The following RAB26 variants were observed in gnomAD, a reference collection of about 807,000 sequenced individuals.
The protein encoded by RAB26 is ras-related protein Rab-26.
RAB26 carries 39 observed loss-of-function variants against 33.1 expected under a neutral mutation model. The ratio of observed to expected loss-of-function variants is 1.18; its 90% CI spans 0.91 to 1.54. The LOEUF (loss-of-function observed/expected upper bound fraction) is 1.54. Among genes scored for constraint, RAB26 ranks in the 40% most tolerant of loss-of-function variants. The pLI, the probability that RAB26 is intolerant of heterozygous loss-of-function variation, is 0.00. For missense variants in RAB26, 468 were observed against 362.9 expected, an observed-to-expected ratio of 1.29 and a Z score of -2.35; for synonymous variants, 192 against 151.9, an observed-to-expected ratio of 1.26 and a Z score of -1.94.
rs2092994495 is a variant in RAB26 at position 2,148,758 on chromosome 16, G to A, written c.-26G>A. On this transcript the variant is annotated 5_prime_UTR_variant, in exon 1 of 9. Coordinates refer to ENST00000210187, the MANE Select transcript of RAB26 (RefSeq NM_014353.5). ...CGGCCCAGGGCACGGCGGCTGCAGC[G>A]GGAGCACACTGAGCGCCCGCCCGCC... 1.6e-6 allele frequency: 2 copies of A among 1,282,992 alleles called. No homozygotes were observed. Among genetic ancestry groups the A allele is most frequent in the South Asian group, 2.7e-5 (1 of 36,796 alleles). The allele number at this position is 1,282,992 out of a possible 1,614,324, so 79.5% of individuals were successfully genotyped here.
chr16:2,153,229 C>T lies in RAB26; in HGVS notation c.668+7C>T, dbSNP rs368805303. 1 of 1,613,800 alleles carries T rather than the reference C, an allele frequency of 6.2e-7. No homozygotes were observed. The highest frequency in any genetic ancestry group is 8.5e-7 in the Non-Finnish European group (1 of 1,179,994). ...CCTTCACAGCCATAGCAAAGTAAGTCCTGCCAGTCACCAGGACTCCCCCAG... is the reference window on the plus strand; with the variant it reads ...CCTTCACAGCCATAGCAAAGTAAGTTCTGCCAGTCACCAGGACTCCCCCAG... On this transcript the variant is annotated splice_region_variant and intron_variant, in intron 8 of 8. Coordinates refer to ENST00000210187, the MANE Select transcript of RAB26 (RefSeq NM_014353.5).
intron 5 of RAB26, among the ~76,000 whole-genome samples, chr16:2,152,453 CGAGGTCAG>C (rs1295674497): frequency 8.6e-5 from 13 of 151,658 alleles, no homozygotes; most frequent in African/African-American, 2.9e-4. Context: ...GGGCGGATCA[CGAGGTCAG>C]GAGTTGGAGA....
In RAB26 at chr16:2,148,649, T is replaced by TCCGCC. The variant is rs1555463725; in HGVS notation, c.-135_-134insCCGCC. 1 of 385,312 alleles carries TCCGCC rather than the reference T, an allele frequency of 2.6e-6. No homozygotes were observed. Among genetic ancestry groups the TCCGCC allele is most frequent in the East Asian group, 1.4e-4 (1 of 7,316 alleles). The allele number at this position is 385,312 out of a possible 1,614,324, so 23.9% of individuals were successfully genotyped here. A position where few individuals can be genotyped will look rare whatever the true frequency, so the allele number is the denominator to read the frequency against. On this transcript the variant is annotated 5_prime_UTR_variant, in exon 1 of 9. An upstream start codon of the reference 5' UTR is lost. Transcript: ENST00000210187. ...GGCGCGAGCCGGGCGCCCGGGATGA[T>TCCGCC]GCCGCCGCCGCCGCCGCCGCCGCCG...
In RAB26 at chr16:2,151,754, T is replaced by G; in HGVS notation, c.408T>G (p.Asp136Glu). Residue 136 changes from aspartate (D) to glutamate (E), a missense_variant, in exon 4 of 9, where the codon GAT (aspartate) becomes GAG (glutamate). Transcript: ENST00000210187. The part of the protein sequence containing the change: ...FRSVTHAYYR[D>E]AHALLLLYDV... ...GTGTTACCCATGCCTACTACCGGGA[T>G]GCTCATGGTGAGCCCCTGGGTACCT... is the stretch of plus-strand genomic sequence containing the variant. The G allele has an allele frequency of 1.2e-6, 2 of 1,614,004 alleles. No homozygotes were observed. The highest frequency in any genetic ancestry group is 1.7e-6 in the Non-Finnish European group (2 of 1,180,026).
chr16:2,150,812 GC>G (rs929054994), intron 2 of RAB26, among the ~76,000 whole-genome samples: 9 of 152,208 alleles, frequency 5.9e-5, no homozygotes, highest in Non-Finnish European at 1.0e-4. Flanking sequence ...GTCCTCCCCA[GC>G]CCAGCAGATG....
chr16:2,151,591 G>A lies in RAB26; in HGVS notation c.329G>A (p.Gly110Asp). ...DFRNKVLDVD[G>D]VKVKLQMWDT... ...CAGAACAAAGTTCTGGACGTGGATGGTGTGAAGGTGAAGCTGCAGGTAAGG... is the reference window on the plus strand; with the variant it reads ...CAGAACAAAGTTCTGGACGTGGATGATGTGAAGGTGAAGCTGCAGGTAAGG... The change falls in exon 3 of 9, where the codon GGT (glycine) becomes GAT (aspartate). Residue 110 changes from glycine to aspartate, a missense_variant. Gly to Asp is a moderately conservative substitution (Grantham distance 94). Transcript: ENST00000210187. The A allele has an allele frequency of 2.5e-6, 4 of 1,614,020 alleles. No individual in the cohort carries two copies. Among genetic ancestry groups the A allele is most frequent in the Non-Finnish European group, 3.4e-6 (4 of 1,180,042 alleles).
intron 2 of RAB26, among the ~76,000 whole-genome samples, chr16:2,150,612 G>T (rs1052828397): frequency 5.5e-5 from 2 of 36,262 alleles, no homozygotes; most frequent in Admixed American, 4.0e-4. Flanking sequence ...AGGAAAAGGG[G>T]CTCCCTCCAG....
In RAB26 at chr16:2,153,980, T is replaced by A. The variant is rs1173527442; in HGVS notation, c.*559T>A. On this transcript the variant is annotated 3_prime_UTR_variant, in exon 9 of 9. Coordinates refer to ENST00000210187, the MANE Select transcript of RAB26 (RefSeq NM_014353.5). ...ATGCCTGTGGCCTTGTGATAAAATG[T>A]GGGAAATCACAGAAAACACCAGAAA... is the stretch of plus-strand genomic sequence containing the variant. 19 of 366,646 alleles carry A rather than the reference T, an allele frequency of 5.2e-5. No individual in the cohort carries two copies. The highest frequency in any genetic ancestry group is 3.6e-4 in the South Asian group (18 of 50,246). The allele number at this position is 366,646 out of a possible 1,614,324, so 22.7% of individuals were successfully genotyped here.
chr16:2,153,298 C>T (rs2093012911), intron 8 of RAB26, 21 bp from the exon 9 acceptor site: 1 of 1,613,394 alleles, frequency 6.2e-7, no homozygotes, highest in Non-Finnish European at 8.5e-7. Context: ...ATCGTGTCCC[C>T]TTGTCACCCC....
chr16:2,152,906 C>T (rs755331081), intron 6 of RAB26, 21 bp downstream of exon 6: 2 of 1,599,314 alleles, frequency 1.3e-6, no homozygotes, highest in Non-Finnish European at 1.7e-6. Context: ...CGGCTGTCCT[C>T]ACCTGGGCCA....
rs2092994832 is a variant in RAB26 at position 2,148,822 on chromosome 16, C to A, written c.39C>A (p.Ser13Arg). The A allele has an allele frequency of 2.1e-6, 3 of 1,415,170 alleles. No homozygotes were observed. The highest frequency in any genetic ancestry group is 3.0e-5 in the East Asian group (1 of 33,638). The allele number at this position is 1,415,170 out of a possible 1,614,324, so 87.7% of individuals were successfully genotyped here. A position where few individuals can be genotyped will look rare whatever the true frequency, so the allele number is the denominator to read the frequency against. ...RKKTPKSKGASTPAASTLPTA... is the reference protein window; with the variant it reads ...RKKTPKSKGARTPAASTLPTA... Reference sequence around the variant, plus strand: ...AGACCCCCAAGAGCAAAGGGGCCAGCACCCCCGCTGCCTCCACGCTGCCCA... The same window carrying A: ...AGACCCCCAAGAGCAAAGGGGCCAGAACCCCCGCTGCCTCCACGCTGCCCA... The change falls in exon 1 of 9, where the codon AGC becomes AGA. Residue 13 changes from serine to arginine, a missense_variant. Coordinates refer to ENST00000210187, the MANE Select transcript of RAB26 (RefSeq NM_014353.5).
chr16:2,152,000 A>C, intron 5 of RAB26, 92 bp downstream of exon 5: 1 of 1,525,760 alleles, frequency 6.6e-7, no homozygotes, highest in Non-Finnish European at 9.0e-7. Context: ...GTTCCAAAGG[A>C]CCCCGCTGAG....
chr16:2,152,896 C>G lies in RAB26; in HGVS notation c.534+11C>G. ...CTGCTGGGGAACAAGGTGGGAGGCCCGGCTGTCCTCACCTGGGCCACAGGG... is the reference window on the plus strand; with the variant it reads ...CTGCTGGGGAACAAGGTGGGAGGCCGGGCTGTCCTCACCTGGGCCACAGGG... On this transcript the variant is annotated intron_variant, in intron 6 of 8. Coordinates refer to ENST00000210187, the MANE Select transcript of RAB26 (RefSeq NM_014353.5). 1.2e-6 allele frequency: 2 copies of G among 1,601,564 alleles called. No homozygotes were observed. The highest frequency in any genetic ancestry group is 2.7e-5 in the African/African-American group (2 of 74,600).
rs756246460 is a variant in RAB26, at chr16:2,151,914, T to C, written c.468+6T>C. On this transcript the variant is annotated splice_donor_region_variant and intron_variant, in intron 5 of 8. Coordinates refer to ENST00000210187, the MANE Select transcript of RAB26 (RefSeq NM_014353.5). ...CCTCCTTTGACAACATCCAGGTCAG[T>C]GGCTTTCCTGGTGGGGTGAAAGGGC... 5 of 1,614,084 alleles carry C rather than the reference T, an allele frequency of 3.1e-6. No homozygotes were observed. Among genetic ancestry groups the C allele is most frequent in the Non-Finnish European group, 4.2e-6 (5 of 1,180,016 alleles).
At chr16:2,152,339 C>T (rs186205063) in intron 5 of RAB26, among the ~76,000 whole-genome samples, 31 of 152,258 alleles carry the variant, frequency 2.0e-4, no homozygotes, top group Non-Finnish European at 2.5e-4. Flanking sequence ...GACTGTGCTA[C>T]GGCACTCCAG....
In RAB26 at chr16:2,153,791, T is replaced by A; in HGVS notation, c.*370T>A. The A allele has an allele frequency of 2.1e-6, 1 of 475,332 alleles. No individual in the cohort carries two copies. The highest frequency in any genetic ancestry group is 4.2e-6 in the Non-Finnish European group (1 of 239,938). 29.4% of individuals were successfully genotyped at this position (475,332 alleles called of 1,614,324 possible). A position where few individuals can be genotyped will look rare whatever the true frequency, so the allele number is the denominator to read the frequency against. On this transcript the variant is annotated 3_prime_UTR_variant, in exon 9 of 9. Transcript: ENST00000210187. ...GAAAAGCCATGTCTTCAGCCGCACA[T>A]GCTCAGGCAGCTAAGGGAGGACGCC...
Position 2,154,154 on chromosome 16 carries a change from C to A in RAB26, c.*733C>A. On this transcript the variant is annotated 3_prime_UTR_variant, in exon 9 of 9. Transcript: ENST00000210187. ...GTGTTTTCTGGAGCGTCTGTCTCAT[C>A]TGTTGAAAAAAATCCACTTCTAGAG... 1 of 276,192 alleles carries A rather than the reference C, an allele frequency of 3.6e-6. No individual in the cohort carries two copies. 17.1% of individuals were successfully genotyped at this position (276,192 alleles called of 1,614,324 possible).
rs1483828381 is a variant in RAB26, at chr16:2,149,347, AG to A, written c.195+370del. 2.2e-5 allele frequency among the ~76,000 whole-genome samples: 3 copies of A among 135,318 alleles called. No individual in the cohort carries two copies. The East Asian group carries it at 6.6e-4, about 30-fold the overall frequency. 88.8% of individuals were successfully genotyped at this position (135,318 alleles called of 152,430 possible). On this transcript the variant is annotated intron_variant, in intron 1 of 8. Transcript: ENST00000210187. Reference sequence around the variant, plus strand: ...TTTTGCTGGGGGGAAGAGGTTTGCCAGATGGATGGGGAACCCTGGGACTCCA... The same window carrying A: ...TTTTGCTGGGGGGAAGAGGTTTGCCAATGGATGGGGAACCCTGGGACTCCA...
chr16:2,151,410 G>A, intron 2 of RAB26, 159 bp from the exon 3 acceptor site: 1 of 882,506 alleles, frequency 1.1e-6, no homozygotes, highest in Non-Finnish European at 1.8e-6. Context: ...GCCTGCACTT[G>A]CAGGTGTGGG....
Sources: allele counts gnomAD v4.1 joint callset (sites outside exome capture counted in the v4.1 genomes callset), GRCh38; gene constraint gnomAD v4.1.1; transcripts MANE v1.5; gene names NCBI Gene and HGNC (gene_info 2026-07-23, HGNC 2026-07-21).